PARD6G: variants seen among roughly 807,000 people sequenced by gnomAD.
PARD6G encodes the protein partitioning defective 6 homolog gamma.
In PARD6G, 7 loss-of-function variants were observed where a neutral mutation model predicts 10.7. The observed-to-expected ratio is 0.66, with a 90% CI of 0.37 to 1.23. The LOEUF is 1.23. PARD6G is among the 50% of genes most tolerant of loss of function. The probability of loss-of-function intolerance (pLI) is 0.02; values close to 1 mark genes in which losing one functional copy is unlikely to be tolerated. For missense variants in PARD6G, 548 were observed against 571.8 expected, an observed-to-expected ratio of 0.96 and a Z score of 0.42; for synonymous variants, 287 against 269.4, an observed-to-expected ratio of 1.07 and a Z score of -0.64.
At chr18:80,173,507 C>T (rs1044010462) in intron 2 of PARD6G, among the ~76,000 whole-genome samples, 1 of 152,018 alleles carries the variant, frequency 6.6e-6, no homozygotes, top group Admixed American at 6.6e-5. Flanking sequence ...CGCCTGTAAT[C>T]CCAGCTACTC....
intron 2 of PARD6G, among the ~76,000 whole-genome samples, chr18:80,186,187 CACCCTCACACACGCATAT>C (rs1040759441): frequency 1.3e-5 from 2 of 148,856 alleles, no homozygotes; most frequent in African/African-American, 5.0e-5. Context: ...CCCACACATG[CACCCTCACACACGCATAT>C]ACCCTCACAT....
At chr18:80,177,650 A>ACATG (rs1404519986) in intron 2 of PARD6G, among the ~76,000 whole-genome samples, 1 of 151,216 alleles carries the variant, frequency 6.6e-6, no homozygotes, top group Non-Finnish European at 1.5e-5. Context: ...GGAAGCACAC[A>ACATG]CATGCATGCA....
In PARD6G at chr18:80,192,259, C is replaced by T. The variant is rs572640414; in HGVS notation, c.295+10451G>A. Among the ~76,000 whole-genome samples the T allele has an allele frequency of 6.7e-4, 102 of 152,330 alleles. 1 individual carries two copies. Among genetic ancestry groups the T allele is most frequent in the Middle Eastern group, 3.4e-3 (1 of 294 alleles). On this transcript the variant is annotated intron_variant, in intron 2 of 2. Coordinates refer to ENST00000353265, the MANE Select transcript of PARD6G (RefSeq NM_032510.4). This position sits in a 1 kb window ranked among gnomAD's most constrained non-coding sequence, Gnocchi z 4.9. ...CACTCTCCTTCGGTGGTCTCTGAGTCGTCCCTGAGGTGGGGTGCAGTGCAG... is the reference window on the plus strand; with the variant it reads ...CACTCTCCTTCGGTGGTCTCTGAGTTGTCCCTGAGGTGGGGTGCAGTGCAG...
chr18:80,166,797 G>A (rs1391530794), intron 2 of PARD6G, among the ~76,000 whole-genome samples: 2 of 151,472 alleles, frequency 1.3e-5, no homozygotes, highest in Non-Finnish European at 2.9e-5. Context: ...GTCCTCCCCC[G>A]ACCATAAGGG....
chr18:80,167,813 C>G (rs1005485765), intron 2 of PARD6G, among the ~76,000 whole-genome samples: 3 of 152,110 alleles, frequency 2.0e-5, no homozygotes, highest in Non-Finnish European at 4.4e-5. Flanking sequence ...TTCTGAACCC[C>G]TGGGCCTGGG....
At chr18:80,191,192 T>C (rs929841899) in intron 2 of PARD6G, among the ~76,000 whole-genome samples, 1 of 152,148 alleles carries the variant, frequency 6.6e-6, no homozygotes, top group African/African-American at 2.4e-5. Context: ...TTCAGCAGCA[T>C]ATTCCAGGTA....
chr18:80,170,626 C>G (rs990357641), intron 2 of PARD6G: 2 of 152,414 alleles, frequency 1.3e-5, no homozygotes, highest in Admixed American at 1.3e-4. Context: ...GCAACAGACA[C>G]AGCGCTGCCC....
chr18:80,159,550 G>A lies in PARD6G; in HGVS notation c.*221C>T. ...GCAAAGGCGCCAAGACCTGCACTCA[G>A]GCCTGGTATAGAGTGTCTCTACAGG... On this transcript the variant is annotated 3_prime_UTR_variant, in exon 3 of 3. Coordinates refer to ENST00000353265, the MANE Select transcript of PARD6G (RefSeq NM_032510.4). 3 of 602,654 alleles carry A rather than the reference G, an allele frequency of 5.0e-6. No individual in the cohort carries two copies. The highest frequency in any genetic ancestry group is 4.8e-6 in the Non-Finnish European group (2 of 415,328). 37.3% of individuals were successfully genotyped at this position (602,654 alleles called of 1,614,324 possible).
intron 2 of PARD6G, among the ~76,000 whole-genome samples, chr18:80,168,412 T>C (rs1226883384): frequency 1.3e-5 from 2 of 152,198 alleles, no homozygotes; most frequent in African/African-American, 4.8e-5. Context: ...CTTTGATTTC[T>C]AAAATACCTT....
At chr18:80,207,676 G>A (rs897648990) in intron 1 of PARD6G, among the ~76,000 whole-genome samples, 1 of 152,128 alleles carries the variant, frequency 6.6e-6, no homozygotes, top group African/African-American at 2.4e-5. Flanking sequence ...CATTCACACT[G>A]TTATGCACCC....
At chr18:80,203,026 G>C (rs1239121208) in intron 1 of PARD6G, 94 bp from the exon 2 acceptor site, 1 of 782,734 alleles carries the variant, frequency 1.3e-6, no homozygotes, top group Non-Finnish European at 2.2e-6. Context: ...TAACAAACAA[G>C]TATTTACATT....
rs190045099 is a variant in PARD6G at position 80,193,257 on chromosome 18, C to T, written c.295+9453G>A. 2.8e-3 allele frequency among the ~76,000 whole-genome samples: 421 copies of T among 152,194 alleles called. 2 individuals carry two copies. The highest frequency in any genetic ancestry group is 9.0e-3 in the African/African-American group (373 of 41,514). On this transcript the variant is annotated intron_variant, in intron 2 of 2. Transcript: ENST00000353265. ...GGAGAAGCAGCCAGGGGAGGAGGGT[C>T]GGCCTCACGCATGGCCTGGGGAAGG...
At chr18:80,195,698 C>A (rs1165052375) in intron 2 of PARD6G, among the ~76,000 whole-genome samples, 1 of 149,336 alleles carries the variant, frequency 6.7e-6, no homozygotes, top group Non-Finnish European at 1.5e-5. Context: ...AATGGTGAAA[C>A]CCTGTCTCTA....
intron 1 of PARD6G, among the ~76,000 whole-genome samples, chr18:80,204,687 G>A (rs997118473): frequency 6.6e-6 from 1 of 151,640 alleles, no homozygotes; most frequent in African/African-American, 2.4e-5. Flanking sequence ...GGTGGCTCAC[G>A]CCTGTAATCC....
At chr18:80,163,671 C>T (rs2052716209) in intron 2 of PARD6G, among the ~76,000 whole-genome samples, 1 of 152,210 alleles carries the variant, frequency 6.6e-6, no homozygotes, top group African/African-American at 2.4e-5. Context: ...TGGATTGAGG[C>T]TCAAGCCCAG....
chr18:80,193,782 A>G (rs1966924453), intron 2 of PARD6G, among the ~76,000 whole-genome samples: 1 of 152,230 alleles, frequency 6.6e-6, no homozygotes, highest in African/African-American at 2.4e-5. Context: ...AAGTACTGGC[A>G]GGAAGGCGGG....
In PARD6G at chr18:80,157,439, T is replaced by G. The variant is rs1456247562; in HGVS notation, c.*2332A>C. The stretch of plus-strand genomic sequence containing the variant: ...ACACAAATCTCAGTGAAAGCCTCAT[T>G]TCTTAAAAAAAAACTCACATTTGCT... On this transcript the variant is annotated 3_prime_UTR_variant, in exon 3 of 3. Transcript: ENST00000353265. 4 of 152,198 alleles carry G rather than the reference T, an allele frequency of 2.6e-5. No homozygotes were observed. The highest frequency in any genetic ancestry group is 7.2e-5 in the African/African-American group (3 of 41,448). 9.4% of individuals were successfully genotyped at this position (152,198 alleles called of 1,614,324 possible). A position where few individuals can be genotyped will look rare whatever the true frequency, so the allele number is the denominator to read the frequency against.
chr18:80,197,038 C>T (rs9953825), intron 2 of PARD6G, among the ~76,000 whole-genome samples: 3,934 of 152,024 alleles, frequency 0.026, 161 homozygotes, highest in African/African-American at 0.09. Flanking sequence ...CCCATAAGCA[C>T]ATGGACACAG....
intron 1 of PARD6G, among the ~76,000 whole-genome samples, chr18:80,232,316 G>T (rs1473718491): frequency 6.6e-6 from 1 of 152,170 alleles, no homozygotes; most frequent in Non-Finnish European, 1.5e-5. Context: ...AAGTGGATGA[G>T]GTGGCCAGGC....
Sources: allele counts gnomAD v4.1 joint callset (sites outside exome capture counted in the v4.1 genomes callset), GRCh38; gene constraint gnomAD v4.1.1; non-coding constraint Gnocchi (gnomAD v3.1); transcripts MANE v1.5; gene names NCBI Gene and HGNC (gene_info 2026-07-23, HGNC 2026-07-21).